TSPAN18: variants seen among roughly 807,000 people sequenced by gnomAD.
TSPAN18 encodes the protein tetraspanin-18.
In TSPAN18, 14 loss-of-function variants were observed where a neutral mutation model predicts 27.3. The ratio of observed to expected loss-of-function variants is 0.51; its 90% CI spans 0.34 to 0.80. The LOEUF is 0.80. TSPAN18 is among the 30% of genes least tolerant of loss of function. TSPAN18 has a pLI of 0.01. For synonymous variants in TSPAN18, 143 were observed against 136.5 expected (o/e 1.05, Z -0.33); for missense variants, 268 against 323.9 (o/e 0.83, Z 1.32).
chr11:44,925,309 C>T (rs1432091926), intron 8 of TSPAN18, among the ~76,000 whole-genome samples: 1 of 152,232 alleles, frequency 6.6e-6, no homozygotes, highest in African/African-American at 2.4e-5. Flanking sequence ...CATTGCCAAC[C>T]ACTTCCCCGA....
intron 2 of TSPAN18, among the ~76,000 whole-genome samples, chr11:44,832,931 G>C (rs1208453009): frequency 1.3e-5 from 2 of 152,058 alleles, no homozygotes; most frequent in African/African-American, 4.8e-5. Context: ...AATGCTCCCT[G>C]GATGTCTATC....
intron 3 of TSPAN18, chr11:44,903,729 A>T (rs184829264): frequency 4.4e-6 from 2 of 455,642 alleles, no homozygotes; most frequent in Non-Finnish European, 4.4e-6. Flanking sequence ...AATTCAGGCC[A>T]TGCTCACTGA....
chr11:44,746,328 G>A (rs930285090), intron 1 of TSPAN18, among the ~76,000 whole-genome samples: 4 of 152,166 alleles, frequency 2.6e-5, no homozygotes, highest in African/African-American at 9.7e-5. Context: ...GGGAACAGAC[G>A]TCTCCTGGTC....
chr11:44,740,207 G>C (rs548664275), intron 1 of TSPAN18, among the ~76,000 whole-genome samples: 8 of 152,308 alleles, frequency 5.3e-5, no homozygotes, highest in African/African-American at 1.9e-4. Context: ...GGGGTGCAGG[G>C]GCCTGGGCTA....
At chr11:44,765,180 C>T (rs1331110714) in intron 2 of TSPAN18, among the ~76,000 whole-genome samples, 1 of 152,190 alleles carries the variant, frequency 6.6e-6, no homozygotes, top group Non-Finnish European at 1.5e-5. Flanking sequence ...TCATTTCCCT[C>T]ATTGGTCCTC....
chr11:44,882,513 T>C (rs954740785), intron 3 of TSPAN18, among the ~76,000 whole-genome samples: 1 of 151,610 alleles, frequency 6.6e-6, no homozygotes. Context: ...GGGTGCGGTG[T>C]GCTTTAAGAG....
chr11:44,906,370 C>T (rs767732515), intron 3 of TSPAN18, 37 bp from the exon 4 acceptor site: 1 of 1,605,088 alleles, frequency 6.2e-7, no homozygotes, highest in Non-Finnish European at 8.5e-7. Flanking sequence ...GGGTGGGGTC[C>T]CCCATCGGGA....
At chr11:44,831,314 C>T (rs1280225058) in intron 2 of TSPAN18, among the ~76,000 whole-genome samples, 1 of 152,106 alleles carries the variant, frequency 6.6e-6, no homozygotes, top group East Asian at 1.9e-4. Context: ...ACCTCAGGAA[C>T]CGATGAAGAG....
chr11:44,738,796 G>A (rs1854860458), intron 1 of TSPAN18, among the ~76,000 whole-genome samples: 1 of 152,196 alleles, frequency 6.6e-6, no homozygotes, highest in Non-Finnish European at 1.5e-5. Context: ...GAGTGTGCAG[G>A]AAGCACAATT....
chr11:44,852,005 C>G (rs1857617942), intron 2 of TSPAN18, among the ~76,000 whole-genome samples: 1 of 152,286 alleles, frequency 6.6e-6, no homozygotes. Flanking sequence ...GTGCCCTCCC[C>G]CAATGCCTGA....
rs562707055 is a variant in TSPAN18 at position 44,782,001 on chromosome 11, A to G, written c.-153+17489A>G. 1.6e-3 allele frequency among the ~76,000 whole-genome samples: 248 copies of G among 152,318 alleles called. 2 individuals are homozygous for G. The highest frequency in any genetic ancestry group is 1.0e-3 in the Non-Finnish European group (71 of 68,032). ...CTTACTGTTTCTAAGATTCATTTAC[A>G]TTGGTGCCTGTTTTAGTAGTTTATT... On this transcript the variant is annotated intron_variant, in intron 2 of 9. Coordinates refer to ENST00000520358, the MANE Select transcript of TSPAN18 (RefSeq NM_130783.5).
chr11:44,804,505 T>C (rs1856550060), intron 2 of TSPAN18, among the ~76,000 whole-genome samples: 1 of 151,864 alleles, frequency 6.6e-6, no homozygotes, highest in Admixed American at 6.6e-5. Context: ...CAAATATTTG[T>C]GGACTGAAGG....
At chr11:44,753,234 T>C (rs1178613132) in intron 1 of TSPAN18, among the ~76,000 whole-genome samples, 1 of 152,150 alleles carries the variant, frequency 6.6e-6, no homozygotes, top group African/African-American at 2.4e-5. Context: ...GTTCAAGCGA[T>C]TCTCCTGCCT....
intron 3 of TSPAN18, among the ~76,000 whole-genome samples, chr11:44,878,288 C>A (rs1858394563): frequency 6.6e-6 from 1 of 152,168 alleles, no homozygotes; most frequent in Non-Finnish European, 1.5e-5. Flanking sequence ...TTCCCGCTAA[C>A]AGGCTGAGGG....
intron 2 of TSPAN18, among the ~76,000 whole-genome samples, chr11:44,791,269 C>T (rs1366111214): frequency 1.3e-5 from 2 of 152,240 alleles, no homozygotes; most frequent in African/African-American, 4.8e-5. Context: ...GACTCCAGCA[C>T]ACACCTAGGG....
chr11:44,774,494 C>T (rs1183467465), intron 2 of TSPAN18, among the ~76,000 whole-genome samples: 3 of 152,214 alleles, frequency 2.0e-5, no homozygotes, highest in Non-Finnish European at 4.4e-5. Context: ...CCTCTCTATT[C>T]AGGAGAGGTA....
At chr11:44,777,684 TTCTC>T (rs2134938380) in intron 2 of TSPAN18, among the ~76,000 whole-genome samples, 1 of 152,218 alleles carries the variant, frequency 6.6e-6, no homozygotes, top group African/African-American at 2.4e-5. Flanking sequence ...AATGAATTCA[TTCTC>T]TCTCCTCTCC....
At chr11:44,727,406 A>G (rs910433993) in intron 1 of TSPAN18, 119 bp downstream of exon 1, 1 of 152,056 alleles carries the variant, frequency 6.6e-6, no homozygotes, top group Non-Finnish European at 1.5e-5. Context: ...ATTGGGGTGG[A>G]GTAGGGATCC....
chr11:44,918,991 G>A (rs1860021412), intron 6 of TSPAN18, among the ~76,000 whole-genome samples: 1 of 119,848 alleles, frequency 8.3e-6, no homozygotes, highest in African/African-American at 3.2e-5. Context: ...CCTGACCTCG[G>A]CTCCACCGAG....
Sources: gnomAD v4.1 joint callset for allele counts (sites outside exome capture counted in the v4.1 genomes callset) on GRCh38, gnomAD v4.1.1 for gene constraint, MANE v1.5 for transcripts, NCBI Gene and HGNC (gene_info 2026-07-23, HGNC 2026-07-21) for gene names.